The following TBC1D22A variants were observed in gnomAD, a reference collection of about 807,000 sequenced individuals.
TBC1D22A encodes TBC1 domain family member 22A.
Under a neutral mutation model 60.2 loss-of-function variants are expected in TBC1D22A, and 38 were observed. The observed-to-expected ratio is 0.63, with a 90% confidence interval of 0.49 to 0.83. The LOEUF (loss-of-function observed/expected upper bound fraction) is 0.83. TBC1D22A is among the 40% of genes least tolerant of loss of function. TBC1D22A has a pLI of 0.00. For synonymous variants in TBC1D22A, 302 were observed against 281.7 expected, an observed-to-expected ratio of 1.07 and a Z score of -0.72; for missense variants, 628 against 701.0, an observed-to-expected ratio of 0.90 and a Z score of 1.18.
intron 8 of TBC1D22A, among the ~76,000 whole-genome samples, chr22:46,912,935 T>C (rs1355961553): frequency 6.6e-6 from 1 of 152,218 alleles, no homozygotes; most frequent in Non-Finnish European, 1.5e-5. Context: ...AAATCAAATC[T>C]TCTTTAATTG....
At chr22:46,931,402 G>T (rs957609485) in intron 8 of TBC1D22A, among the ~76,000 whole-genome samples, 2 of 152,046 alleles carry the variant, frequency 1.3e-5, no homozygotes, top group Non-Finnish European at 2.9e-5. Context: ...TAAAATTACA[G>T]TCATTGTTGA....
chr22:47,065,652 A>G (rs2063734702), intron 11 of TBC1D22A, among the ~76,000 whole-genome samples: 1 of 152,258 alleles, frequency 6.6e-6, no homozygotes. Context: ...ACTGGGTTGG[A>G]TTGAGGGAGA....
intron 5 of TBC1D22A, among the ~76,000 whole-genome samples, chr22:46,887,295 G>T (rs997732157): frequency 1.3e-5 from 2 of 152,230 alleles, no homozygotes; most frequent in African/African-American, 4.8e-5. Context: ...CATCAGAATG[G>T]CTAATGTGAA....
chr22:46,924,134 C>A (rs773068426), intron 8 of TBC1D22A, among the ~76,000 whole-genome samples: 6 of 152,104 alleles, frequency 3.9e-5, no homozygotes, highest in Non-Finnish European at 8.8e-5. Context: ...GAAGTATTTG[C>A]CCCCCTCCCC....
intron 8 of TBC1D22A, among the ~76,000 whole-genome samples, chr22:46,943,245 G>C (rs895799678): frequency 6.6e-5 from 10 of 152,136 alleles, no homozygotes; most frequent in Non-Finnish European, 1.5e-4. Flanking sequence ...TAATTAATGA[G>C]CCTCCTCTCC....
chr22:46,794,378 T>C (rs1426248086), intron 3 of TBC1D22A, among the ~76,000 whole-genome samples: 2 of 152,224 alleles, frequency 1.3e-5, no homozygotes, highest in East Asian at 1.9e-4. Flanking sequence ...ACGTTTGCAC[T>C]CTGACCCCCT....
At position 47,173,669 on chromosome 22, in the gene TBC1D22A, C is replaced by T. The variant is rs766249977; in HGVS notation, c.*43C>T. On this transcript the variant is annotated 3_prime_UTR_variant, in exon 13 of 13. Transcript: ENST00000337137. ...GCTGGCCTCACTGTCCCGGGTGGCG[C>T]GCCCCACCTGCCTGGCTGGTGGTAG... 13 of 1,607,940 alleles carry T rather than the reference C, an allele frequency of 8.1e-6. No individual in the cohort carries two copies. In the African/African-American group the frequency reaches 1.2e-4, roughly 15 times the overall value.
intron 11 of TBC1D22A, among the ~76,000 whole-genome samples, chr22:47,089,370 G>A (rs2064826943): frequency 1.3e-5 from 2 of 152,234 alleles, no homozygotes; most frequent in African/African-American, 2.4e-5. Context: ...AAATGAAATG[G>A]CATTGGCCAA....
intron 8 of TBC1D22A, among the ~76,000 whole-genome samples, chr22:46,948,597 G>A (rs1455941766): frequency 6.6e-6 from 1 of 152,212 alleles, no homozygotes; most frequent in Non-Finnish European, 1.5e-5. Flanking sequence ...TGTGTTCCGT[G>A]GCAATGGTTT....
intron 2 of TBC1D22A, among the ~76,000 whole-genome samples, chr22:46,792,997 C>T (rs192797283): frequency 6.6e-6 from 1 of 152,404 alleles, no homozygotes; most frequent in African/African-American, 2.4e-5. Context: ...TTGTGCTGGG[C>T]TGTTGTGACC....
intron 11 of TBC1D22A, among the ~76,000 whole-genome samples, chr22:47,070,606 C>G (rs1451944836): frequency 6.7e-6 from 1 of 150,180 alleles, no homozygotes; most frequent in Admixed American, 6.7e-5. Context: ...CTGACGGTTC[C>G]AGGCTGTCCC....
chr22:46,943,059 G>A (rs570832999), intron 8 of TBC1D22A, among the ~76,000 whole-genome samples: 6 of 152,280 alleles, frequency 3.9e-5, no homozygotes, highest in Non-Finnish European at 8.8e-5. Flanking sequence ...GGAAAATGGC[G>A]TTGAACAGGA....
chr22:46,762,874 C>CGGGGTCA (rs2083147410), intron 1 of TBC1D22A, 26 bp downstream of exon 1: 3 of 1,470,842 alleles, frequency 2.0e-6, no homozygotes, highest in African/African-American at 1.5e-5. Context: ...AGGGCCAGGT[C>CGGGGTCA]GGGGTCAGGG....
At chr22:47,007,156 CA>C (rs879706699) in intron 10 of TBC1D22A, among the ~76,000 whole-genome samples, 3 of 152,202 alleles carry the variant, frequency 2.0e-5, no homozygotes, top group Non-Finnish European at 2.9e-5. Flanking sequence ...GACCTCGACC[CA>C]GGGGTCCCAA....
intron 1 of TBC1D22A, among the ~76,000 whole-genome samples, chr22:46,779,831 C>T (rs2083862004): frequency 6.6e-6 from 1 of 152,186 alleles, no homozygotes; most frequent in African/African-American, 2.4e-5. Context: ...GGGAGCCTTG[C>T]AGGACAGCGT....
chr22:47,087,552 G>A (rs894576779), intron 11 of TBC1D22A, among the ~76,000 whole-genome samples: 10 of 152,164 alleles, frequency 6.6e-5, no homozygotes, highest in Non-Finnish European at 1.3e-4. Context: ...AAAAAGAATT[G>A]CAAAAGTTCT....
At chr22:46,865,703 C>T (rs1253713750) in intron 4 of TBC1D22A, among the ~76,000 whole-genome samples, 3 of 152,212 alleles carry the variant, frequency 2.0e-5, no homozygotes, top group South Asian at 2.1e-4. Context: ...CACACGTGTG[C>T]GTTGGACACA....
chr22:46,884,269 G>A (rs1437897870), intron 5 of TBC1D22A, among the ~76,000 whole-genome samples: 2 of 152,174 alleles, frequency 1.3e-5, no homozygotes, highest in African/African-American at 2.4e-5. Context: ...GTCAGGGTGG[G>A]CCGCACTGAG....
intron 9 of TBC1D22A, among the ~76,000 whole-genome samples, chr22:46,979,633 C>T (rs1039257152): frequency 4.6e-5 from 7 of 152,242 alleles, no homozygotes; most frequent in East Asian, 1.9e-4. Flanking sequence ...GTATCCAGGG[C>T]GTCCTGAAGT....
Sources: gnomAD v4.1 joint callset for allele counts (sites outside exome capture counted in the v4.1 genomes callset) on GRCh38, gnomAD v4.1.1 for gene constraint, MANE v1.5 for transcripts, NCBI Gene and HGNC (gene_info 2026-07-23, HGNC 2026-07-21) for gene names.